TJP3: variants seen among roughly 807,000 people sequenced by gnomAD.
The protein encoded by TJP3 is tight junction protein ZO-3.
Under a neutral mutation model 104.2 loss-of-function variants are expected in TJP3, and 85 were observed. The observed-to-expected ratio is 0.82, with a 90% CI of 0.68 to 0.98. The LOEUF is 0.98. Ranked by LOEUF, TJP3 falls within the 50% of genes least tolerant of loss-of-function variation. TJP3 has a pLI of 0.00. For synonymous variants in TJP3, 550 were observed against 550.6 expected, an observed-to-expected ratio of 1.00 and a Z score of 0.02; for missense variants, 1,367 against 1,322.8, an observed-to-expected ratio of 1.03 and a Z score of -0.52.
intron 1 of TJP3, among the ~76,000 whole-genome samples, chr19:3,722,702 C>G (rs1050033893): frequency 2.6e-5 from 4 of 152,048 alleles, no homozygotes. Flanking sequence ...CGGCCAGACC[C>G]AGGCCACTCC....
chr19:3,733,697 C>T, intron 6 of TJP3, 56 bp from the exon 7 acceptor site: 2 of 1,598,112 alleles, frequency 1.3e-6, no homozygotes, highest in Admixed American at 1.7e-5. Context: ...GCTGTTTCTA[C>T]TGTCTCCCAT....
At chr19:3,734,547 T>C (rs1035453876) in intron 8 of TJP3, 112 bp downstream of exon 8, 3 of 951,814 alleles carry the variant, frequency 3.2e-6, no homozygotes, top group African/African-American at 3.3e-5. Context: ...GACGCAGTCC[T>C]GTATTTCTAG....
chr19:3,713,578 G>A (rs937830239), intron 1 of TJP3, among the ~76,000 whole-genome samples: 2 of 152,182 alleles, frequency 1.3e-5, no homozygotes, highest in African/African-American at 4.8e-5. Context: ...AGTGAACAAG[G>A]TTGTACTGAT....
chr19:3,710,622 G>C (rs1235462120), intron 1 of TJP3, among the ~76,000 whole-genome samples: 1 of 152,200 alleles, frequency 6.6e-6, no homozygotes, highest in Admixed American at 6.5e-5. Context: ...GCTCAGGGTG[G>C]AACCTGACAC....
At chr19:3,742,083 G>A (rs1230238693) in intron 14 of TJP3, among the ~76,000 whole-genome samples, 3 of 152,122 alleles carry the variant, frequency 2.0e-5, no homozygotes, top group Non-Finnish European at 4.4e-5. Context: ...ATGGTGCAAG[G>A]CATGTAGATA....
rs879475669 is a variant in TJP3, at chr19:3,724,227, C to A, written c.-9-4197C>A. On this transcript the variant is annotated intron_variant, in intron 1 of 20. Transcript: ENST00000541714. ...TTTTTTTTTTTTGAGACGGAGTTTC[C>A]CTCTGTCGCCCAGGCTGGAGTGCAG... Among the ~76,000 whole-genome samples, 12 of 151,860 alleles carry A rather than the reference C, an allele frequency of 7.9e-5. No individual in the cohort carries two copies. In the East Asian group the frequency reaches 1.7e-3, roughly 22 times the overall value.
At chr19:3,737,386 G>A (rs527749330) in intron 11 of TJP3, among the ~76,000 whole-genome samples, 1 of 151,958 alleles carries the variant, frequency 6.6e-6, no homozygotes, top group Non-Finnish European at 1.5e-5. Flanking sequence ...TGTCCTAATC[G>A]TGTGGTCAGG....
At chr19:3,739,675 A>G (rs7252434) in intron 13 of TJP3, among the ~76,000 whole-genome samples, 79,638 of 151,824 alleles carry the variant, frequency 0.52, 20,963 homozygotes, top group Non-Finnish European at 0.54. Flanking sequence ...AGTTCTGGAG[A>G]GCAAAAGTAC....
At chr19:3,738,808 C>CA in intron 12 of TJP3, 89 bp from the exon 13 acceptor site, 1 of 1,399,340 alleles carries the variant, frequency 7.1e-7, no homozygotes, top group Non-Finnish European at 9.9e-7. Context: ...GAGAGTGCCC[C>CA]AAATCTCCAG....
At chr19:3,728,277 C>A in intron 1 of TJP3, 147 bp from the exon 2 acceptor site, 6 of 1,258,616 alleles carry the variant, frequency 4.8e-6, no homozygotes, top group Non-Finnish European at 6.5e-6. Flanking sequence ...ACAAAAAAAC[C>A]TGAGGCCCTG....
chr19:3,733,669 C>T, intron 6 of TJP3, 84 bp from the exon 7 acceptor site: 23 of 1,560,862 alleles, frequency 1.5e-5, no homozygotes, highest in South Asian at 2.3e-5. Flanking sequence ...TTGTCTGTTT[C>T]AAGTTCCCCC....
At chr19:3,735,829 G>A in intron 9 of TJP3, 40 bp from the exon 10 acceptor site, 2 of 1,612,888 alleles carry the variant, frequency 1.2e-6, no homozygotes, top group South Asian at 1.1e-5. Flanking sequence ...GCTGGACTGA[G>A]CCAGTGTGCT....
intron 1 of TJP3, among the ~76,000 whole-genome samples, chr19:3,726,189 C>T (rs886311847): frequency 6.6e-6 from 1 of 152,218 alleles, no homozygotes; most frequent in Non-Finnish European, 1.5e-5. Context: ...TCCACCTGTC[C>T]CCTGCCTGGG....
intron 2 of TJP3, 43 bp from the exon 3 acceptor site, chr19:3,728,561 C>G: frequency 6.2e-7 from 1 of 1,601,616 alleles, no homozygotes. Context: ...ACCCTTTACC[C>G]TGGGGGAAAC....
Position 3,739,031 on chromosome 19 carries a change from C to A in TJP3, c.1528C>A (p.Pro510Thr), listed in dbSNP as rs762826972. 3.1e-6 allele frequency: 5 copies of A among 1,611,974 alleles called. No homozygotes were observed. Among genetic ancestry groups the A allele is most frequent in the African/African-American group, 1.3e-5 (1 of 74,932 alleles). The change falls in exon 13 of 21, where the codon CCC becomes ACC. Residue 510 changes from proline (P) to threonine (T), a missense_variant. Physicochemically the swap from Pro to Thr is conservative, Grantham distance 38. Coordinates refer to ENST00000541714, the MANE Select transcript of TJP3 (RefSeq NM_001267560.2). The stretch of plus-strand genomic sequence containing the variant: ...CTTCCACGTGCTGGACACGCTGCAC[C>A]CCGGCCCCGGGCAGAGCCACGCACG... ...DVFHVLDTLH[P>T]GPGQSHARGG...
rs765275073 is a variant in TJP3, at chr19:3,733,924, G to C, written c.877+12G>C. ...CTCGCCATTGGAGGGTGAGGACCTA[G>C]AGGTTAGGACCTGGGAGGGGGTTGA... On this transcript the variant is annotated intron_variant, in intron 7 of 20. Transcript: ENST00000541714. 99 of 1,612,904 alleles carry C rather than the reference G, an allele frequency of 6.1e-5. No individual in the cohort carries two copies. Among genetic ancestry groups the C allele is most frequent in the Non-Finnish European group, 7.6e-5 (90 of 1,179,474 alleles).
intron 1 of TJP3, among the ~76,000 whole-genome samples, chr19:3,709,667 G>A (rs937257435): frequency 5.3e-5 from 8 of 152,192 alleles, no homozygotes; most frequent in Non-Finnish European, 1.0e-4. Context: ...CCCGGCATTT[G>A]GGGTCACCTT....
chr19:3,740,548 C>G lies in TJP3; in HGVS notation c.1632-4C>G, dbSNP rs1347200652. On this transcript the variant is annotated splice_region_variant and splice_polypyrimidine_tract_variant and intron_variant, in intron 13 of 20. Coordinates refer to ENST00000541714, the MANE Select transcript of TJP3 (RefSeq NM_001267560.2). ...TGCTCAGTACTGTCCCCTCTTCTCCCCAGGGCGGAGCAGCTGGCCAGCCTG... is the reference window on the plus strand; with the variant it reads ...TGCTCAGTACTGTCCCCTCTTCTCCGCAGGGCGGAGCAGCTGGCCAGCCTG... 2.1e-6 allele frequency: 3 copies of G among 1,461,540 alleles called. No homozygotes were observed. The Admixed American group carries it at 8.1e-5, about 39-fold the overall frequency. The allele number at this position is 1,461,540 out of a possible 1,614,324, so 90.5% of individuals were successfully genotyped here.
intron 1 of TJP3, among the ~76,000 whole-genome samples, chr19:3,725,651 C>T (rs892705654): frequency 1.3e-4 from 19 of 146,966 alleles, no homozygotes; most frequent in Non-Finnish European, 2.5e-4. Context: ...GAGACTACGC[C>T]ATTGCACTCC....
Sources: allele counts gnomAD v4.1 joint callset (sites outside exome capture counted in the v4.1 genomes callset), GRCh38; gene constraint gnomAD v4.1.1; transcripts MANE v1.5; gene names NCBI Gene and HGNC (gene_info 2026-07-23, HGNC 2026-07-21).